The following TMEM248 variants were observed in gnomAD, a reference collection of about 807,000 sequenced individuals.
TMEM248 encodes the protein UPF0458 protein C7orf42.
In TMEM248, 9 loss-of-function variants were observed where a neutral mutation model predicts 30.3. The observed-to-expected ratio is 0.30, with a 90% CI of 0.18 to 0.52. The LOEUF (loss-of-function observed/expected upper bound fraction) is 0.52. Among genes scored for constraint, TMEM248 ranks in the 20% least tolerant of loss-of-function variants. TMEM248 has a pLI of 0.97. For synonymous variants in TMEM248, 184 were observed against 154.4 expected, an observed-to-expected ratio of 1.19 and a Z score of -1.42; for missense variants, 338 against 403.3, an observed-to-expected ratio of 0.84 and a Z score of 1.39.
At chr7:66,922,819 C>T (rs1791421044) in intron 1 of TMEM248, among the ~76,000 whole-genome samples, 1 of 152,022 alleles carries the variant, frequency 6.6e-6, no homozygotes, top group Admixed American at 6.6e-5. Context: ...AATCCTCCTG[C>T]CTCAGCCTCC....
At position 66,941,964 on chromosome 7, in the gene TMEM248, T is replaced by G; in HGVS notation, c.99T>G (p.Ala33=). ...FMISVSAMAI[A]FLTLGYFFKI... is the part of the protein sequence containing the mutation. ...TCAGCGTAAGCGCCATGGCCATAGC[T>G]TTCCTGACCCTGGGCTACTTCTTCA... Residue 33 remains alanine (A), a synonymous_variant, in exon 2 of 7, where the codon GCT becomes GCG. Transcript: ENST00000341567. 1 of 1,614,158 alleles carries G rather than the reference T, an allele frequency of 6.2e-7. No individual in the cohort carries two copies. Among genetic ancestry groups the G allele is most frequent in the Non-Finnish European group, 8.5e-7 (1 of 1,180,030 alleles).
chr7:66,925,280 C>T (rs1791494473), intron 1 of TMEM248, among the ~76,000 whole-genome samples: 1 of 152,050 alleles, frequency 6.6e-6, no homozygotes, highest in African/African-American at 2.4e-5. Flanking sequence ...CTTGGCCTCC[C>T]AAAATGCTAG....
In TMEM248 at chr7:66,951,119, C is replaced by A; in HGVS notation, c.764C>A (p.Thr255Lys). The change falls in exon 5 of 7, where the codon ACA becomes AAA. Residue 255 changes from threonine (T) to lysine (K), a missense_variant. By Grantham distance (78) the Thr-to-Lys change is moderately conservative. Coordinates refer to ENST00000341567, the MANE Select transcript of TMEM248 (RefSeq NM_017994.5). The part of the protein sequence containing the change: ...KVYHALNPKL[T>K]VIVPDDDRSL... The stretch of plus-strand genomic sequence containing the variant: ...TATCATGCTTTAAATCCCAAGCTTA[C>A]AGTGATTGTTCCAGATGTAAGTGAG... 6.3e-7 allele frequency: 1 copy of A among 1,590,908 alleles called. No individual in the cohort carries two copies. Among genetic ancestry groups the A allele is most frequent in the South Asian group, 1.1e-5 (1 of 87,378 alleles).
chr7:66,941,762 C>A (rs1791965357), intron 1 of TMEM248, 86 bp from the exon 2 acceptor site: 1 of 1,239,396 alleles, frequency 8.1e-7, no homozygotes, highest in Non-Finnish European at 1.1e-6. Context: ...CCCAGCTCAC[C>A]CCCCAACACC....
At chr7:66,954,006 C>T (rs1298457699) in intron 6 of TMEM248, among the ~76,000 whole-genome samples, 1 of 143,394 alleles carries the variant, frequency 7.0e-6, no homozygotes, top group African/African-American at 2.6e-5. Flanking sequence ...TGCTGTGGCA[C>T]GATCTTGGCT....
At chr7:66,931,854 G>GAGT (rs1419112816) in intron 1 of TMEM248, among the ~76,000 whole-genome samples, 2 of 137,734 alleles carry the variant, frequency 1.5e-5, no homozygotes, top group Non-Finnish European at 3.0e-5. Flanking sequence ...ACCCAGGCTG[G>GAGT]AGTGCAGTGG....
At chr7:66,921,995 G>A (rs1367738003) in intron 1 of TMEM248, 1 of 152,198 alleles carries the variant, frequency 6.6e-6, no homozygotes, top group African/African-American at 2.4e-5. Flanking sequence ...TAATCTAGAG[G>A]CATGTAGTTT....
chr7:66,948,516 T>C, intron 3 of TMEM248, 28 bp from the exon 4 acceptor site: 1 of 1,604,414 alleles, frequency 6.2e-7, no homozygotes, highest in Non-Finnish European at 8.5e-7. Flanking sequence ...GTTCTTGACT[T>C]TATAAAAAAA....
chr7:66,921,483 G>T (rs1320328093), intron 1 of TMEM248, 22 bp downstream of exon 1: 5 of 151,246 alleles, frequency 3.3e-5, no homozygotes, highest in Non-Finnish European at 7.4e-5. Context: ...CTGGAGGGCG[G>T]GCTGGGGTCG....
At chr7:66,943,857 G>T (rs778410469) in intron 2 of TMEM248, among the ~76,000 whole-genome samples, 8 of 151,838 alleles carry the variant, frequency 5.3e-5, no homozygotes, top group Non-Finnish European at 1.0e-4. Flanking sequence ...GACTTCAGTG[G>T]CGCGATCTTG....
chr7:66,933,548 A>AAG, intron 1 of TMEM248, among the ~76,000 whole-genome samples: 1 of 152,346 alleles, frequency 6.6e-6, no homozygotes. Context: ...TTTTAACACT[A>AAG]TTGATATGTA....
intron 2 of TMEM248, among the ~76,000 whole-genome samples, chr7:66,942,241 C>T (rs1584408028): frequency 6.6e-6 from 1 of 152,204 alleles, no homozygotes; most frequent in African/African-American, 2.4e-5. Flanking sequence ...CTACCAGTTT[C>T]AGTTAGACTA....
In TMEM248 at chr7:66,939,333, C is replaced by T. The variant is rs115610475; in HGVS notation, c.-18-2515C>T. On this transcript the variant is annotated intron_variant, in intron 1 of 6. Transcript: ENST00000341567. ...GTAACAGGAACCCAGCTAGGCCCCT[C>T]AGACTGGAATAACTCAACCACAGAA... Among the ~76,000 whole-genome samples, 1,161 of 152,282 alleles carry T rather than the reference C, an allele frequency of 7.6e-3. 18 individuals carry two copies. The highest frequency in any genetic ancestry group is 0.026 in the African/African-American group (1,093 of 41,552).
Position 66,958,404 on chromosome 7 carries a change from C to T in TMEM248, c.*2882C>T, listed in dbSNP as rs1792452167. The T allele has an allele frequency of 6.5e-6, 1 of 152,696 alleles. No homozygotes were observed. Among genetic ancestry groups the T allele is most frequent in the African/African-American group, 2.4e-5 (1 of 41,440 alleles). The allele number at this position is 152,696 out of a possible 1,614,324, so 9.5% of individuals were successfully genotyped here. On this transcript the variant is annotated 3_prime_UTR_variant, in exon 7 of 7. Transcript: ENST00000341567. ...TGGGTTTTCACCCTTCCTGCAGGCA[C>T]TGTGGGGTCCTGAGGGCCAGTGGGT...
intron 1 of TMEM248, among the ~76,000 whole-genome samples, chr7:66,936,563 A>G (rs1791808888): frequency 6.6e-6 from 1 of 151,140 alleles, no homozygotes; most frequent in South Asian, 2.1e-4. Context: ...GTGATACTGG[A>G]CTCCTAGCAT....
chr7:66,952,947 G>T (rs1792306972), intron 5 of TMEM248, among the ~76,000 whole-genome samples: 2 of 152,182 alleles, frequency 1.3e-5, no homozygotes, highest in Admixed American at 1.3e-4. Context: ...TGCTGGAGGG[G>T]CAGGGTTCAG....
intron 5 of TMEM248, among the ~76,000 whole-genome samples, chr7:66,952,842 C>T (rs1042038336): frequency 6.6e-6 from 1 of 152,208 alleles, no homozygotes; most frequent in Non-Finnish European, 1.5e-5. Context: ...GGCTGTCAGC[C>T]ATGCAACCTG....
At chr7:66,941,775 A>G in intron 1 of TMEM248, 73 bp from the exon 2 acceptor site, 1 of 1,428,008 alleles carries the variant, frequency 7.0e-7, no homozygotes, top group East Asian at 2.4e-5. Flanking sequence ...CCAACACCTC[A>G]AAAGGAAACA....
chr7:66,927,553 G>A (rs1791556788), intron 1 of TMEM248, among the ~76,000 whole-genome samples: 4 of 150,488 alleles, frequency 2.7e-5, no homozygotes, highest in African/African-American at 9.8e-5. Flanking sequence ...TGATCCTCCT[G>A]CCTTGCCCTC....
Sources: gnomAD v4.1 joint callset for allele counts (sites outside exome capture counted in the v4.1 genomes callset) on GRCh38, gnomAD v4.1.1 for gene constraint, MANE v1.5 for transcripts, NCBI Gene and HGNC (gene_info 2026-07-23, HGNC 2026-07-21) for gene names.